LANCL2: variants seen among roughly 807,000 people sequenced by gnomAD.
LANCL2 encodes lanC-like protein 2.
In LANCL2, 33 loss-of-function variants were observed where a neutral mutation model predicts 56.9. That is an observed-to-expected ratio of 0.58 (90% CI 0.44 to 0.78). LANCL2 has a LOEUF of 0.78. Among genes scored for constraint, LANCL2 ranks in the 30% least tolerant of loss-of-function variants. LANCL2 has a pLI of 0.00. For synonymous variants in LANCL2, 233 were observed against 228.2 expected (o/e 1.02, Z -0.19); for missense variants, 562 against 580.2 (o/e 0.97, Z 0.32).
chr7:55,368,835 G>A (rs1435790520), intron 1 of LANCL2, among the ~76,000 whole-genome samples: 1 of 152,184 alleles, frequency 6.6e-6, no homozygotes, highest in Non-Finnish European at 1.5e-5. Context: ...AATCCAATAT[G>A]ACTGGTGTTC....
chr7:55,407,509 C>T (rs982218580), intron 5 of LANCL2, among the ~76,000 whole-genome samples: 1 of 152,220 alleles, frequency 6.6e-6, no homozygotes, highest in African/African-American at 2.4e-5. Context: ...AGCCCTGGTG[C>T]CCAGACATGT....
At chr7:55,411,358 TCAGTTCG>T (rs1790468421) in intron 5 of LANCL2, 1 of 152,286 alleles carries the variant, frequency 6.6e-6, no homozygotes. Context: ...ATGAGTGCTT[TCAGTTCG>T]TAAAAGGCAG....
chr7:55,431,192 C>A, intron 8 of LANCL2, 34 bp from the exon 9 acceptor site: 1 of 1,493,004 alleles, frequency 6.7e-7, no homozygotes, highest in Non-Finnish European at 9.3e-7. Flanking sequence ...TACCCTTATG[C>A]CATTCCTAAG....
chr7:55,416,698 T>C (rs561574126), intron 6 of LANCL2, among the ~76,000 whole-genome samples: 62 of 152,302 alleles, frequency 4.1e-4, no homozygotes, highest in African/African-American at 1.5e-3. Context: ...ATATATATCG[T>C]ACAAATAATT....
intron 1 of LANCL2, among the ~76,000 whole-genome samples, chr7:55,370,377 C>T (rs952022519): frequency 6.6e-6 from 1 of 152,194 alleles, no homozygotes; most frequent in South Asian, 2.1e-4. Flanking sequence ...AGAAGCAAGA[C>T]AGTAAATCCA....
chr7:55,371,369 A>C (rs1007207080), intron 1 of LANCL2, among the ~76,000 whole-genome samples: 10 of 152,148 alleles, frequency 6.6e-5, no homozygotes, highest in African/African-American at 2.4e-4. Flanking sequence ...GACCACAGAC[A>C]GGTACCACCA....
At chr7:55,383,746 A>G (rs1790094106) in intron 1 of LANCL2, among the ~76,000 whole-genome samples, 1 of 152,222 alleles carries the variant, frequency 6.6e-6, no homozygotes, top group Admixed American at 6.5e-5. Flanking sequence ...CTGAGGCAGG[A>G]GAATCGCTTG....
chr7:55,366,500 C>T lies in LANCL2; in HGVS notation c.204+271C>T, dbSNP rs139768620. ...AGTGCGCTTTCCTTCTTGGCCCGAG[C>T]GGCGCTTCGCAATGCGGGCTTGTGC... is the stretch of plus-strand genomic sequence containing the variant. On this transcript the variant is annotated intron_variant, in intron 1 of 8. Coordinates refer to ENST00000254770, the MANE Select transcript of LANCL2 (RefSeq NM_018697.4). Among the ~76,000 whole-genome samples the T allele has an allele frequency of 9.8e-5, 15 of 152,338 alleles. No individual in the cohort carries two copies. In the East Asian group the frequency reaches 2.9e-3, roughly 30 times the overall value.
In LANCL2 at chr7:55,428,482, T is replaced by C. The variant is rs186991789; in HGVS notation, c.1258+35T>C. On this transcript the variant is annotated intron_variant, in intron 8 of 8. Coordinates refer to ENST00000254770, the MANE Select transcript of LANCL2 (RefSeq NM_018697.4). ...AGAAAAATGCTATAGATTAAATGTT[T>C]GGGTGAAATTGGTTCTCCTGCCCTT... 4.2e-3 allele frequency: 6,603 copies of C among 1,571,178 alleles called. 25 individuals carry two copies. Among genetic ancestry groups the C allele is most frequent in the Middle Eastern group, 0.019 (111 of 5,980 alleles).
chr7:55,408,482 A>G (rs1790435623), intron 5 of LANCL2, among the ~76,000 whole-genome samples: 1 of 152,190 alleles, frequency 6.6e-6, no homozygotes, highest in Non-Finnish European at 1.5e-5. Flanking sequence ...CCTGGCCAAC[A>G]CAGTGAAACC....
At chr7:55,424,179 T>C (rs1790637800) in intron 6 of LANCL2, among the ~76,000 whole-genome samples, 1 of 152,156 alleles carries the variant, frequency 6.6e-6, no homozygotes, top group South Asian at 2.1e-4. Context: ...GAACAGACTC[T>C]GAGAAAAGGA....
At chr7:55,406,288 A>C (rs1200213261) in intron 5 of LANCL2, among the ~76,000 whole-genome samples, 1 of 152,300 alleles carries the variant, frequency 6.6e-6, no homozygotes, top group Non-Finnish European at 1.5e-5. Context: ...CAGAGGAACA[A>C]AACCCCTCCC....
chr7:55,386,435 C>T (rs768839738), intron 1 of LANCL2, among the ~76,000 whole-genome samples: 1 of 152,196 alleles, frequency 6.6e-6, no homozygotes, highest in Non-Finnish European at 1.5e-5. Context: ...CCCTGACTTC[C>T]CGCAACATGA....
chr7:55,385,329 A>G (rs1790113106), intron 1 of LANCL2, among the ~76,000 whole-genome samples: 1 of 152,212 alleles, frequency 6.6e-6, no homozygotes. Flanking sequence ...GAAAGAAGGA[A>G]AAGATGTTGC....
At chr7:55,373,327 G>A (rs1562855891) in intron 1 of LANCL2, among the ~76,000 whole-genome samples, 1 of 151,190 alleles carries the variant, frequency 6.6e-6, no homozygotes, top group Non-Finnish European at 1.5e-5. Flanking sequence ...GTCTCATTCT[G>A]TTTCCCAGAC....
In LANCL2 at chr7:55,368,111, T is replaced by TG. The variant is rs1291172271; in HGVS notation, c.204+1883dup. Among the ~76,000 whole-genome samples the TG allele has an allele frequency of 2.6e-5, 4 of 152,340 alleles. No individual in the cohort carries two copies. In the East Asian group the frequency reaches 7.7e-4, roughly 29 times the overall value. Reference sequence around the variant, plus strand: ...AATGCTTAGTGAAAGATGAATGAAATGAACTCTTGACATGAGAATAACAAA... The same window carrying TG: ...AATGCTTAGTGAAAGATGAATGAAATGGAACTCTTGACATGAGAATAACAAA... On this transcript the variant is annotated intron_variant, in intron 1 of 8. Coordinates refer to ENST00000254770, the MANE Select transcript of LANCL2 (RefSeq NM_018697.4).
rs1461759230 is a variant in LANCL2 at position 55,366,118 on chromosome 7, C to T, written c.93C>T (p.Tyr31=). ...ERAFVNPFPD[Y]EAAAGALLAS... is the part of the protein sequence containing the mutation. ...CGTTCGTCAACCCCTTCCCGGACTACGAGGCCGCCGCCGGGGCGCTGCTCG... is the reference window on the plus strand; with the variant it reads ...CGTTCGTCAACCCCTTCCCGGACTATGAGGCCGCCGCCGGGGCGCTGCTCG... The change falls in exon 1 of 9, where the codon TAC becomes TAT. Residue 31 remains tyrosine, a synonymous_variant. Coordinates refer to ENST00000254770, the MANE Select transcript of LANCL2 (RefSeq NM_018697.4). 8.4e-6 allele frequency: 13 copies of T among 1,546,002 alleles called. No homozygotes were observed. The highest frequency in any genetic ancestry group is 1.1e-5 in the Non-Finnish European group (13 of 1,142,954).
intron 5 of LANCL2, among the ~76,000 whole-genome samples, chr7:55,408,640 G>A (rs1790437365): frequency 6.6e-6 from 1 of 151,684 alleles, no homozygotes; most frequent in African/African-American, 2.4e-5. Flanking sequence ...CTGCACTCCA[G>A]CCTGGGTAAC....
chr7:55,388,503 G>A (rs1181964440), intron 1 of LANCL2, among the ~76,000 whole-genome samples: 1 of 152,194 alleles, frequency 6.6e-6, no homozygotes, highest in Non-Finnish European at 1.5e-5. Context: ...CCAAGATGGT[G>A]CCACTGCATT....
Sources: allele counts gnomAD v4.1 joint callset (sites outside exome capture counted in the v4.1 genomes callset), GRCh38; gene constraint gnomAD v4.1.1; transcripts MANE v1.5; gene names NCBI Gene and HGNC (gene_info 2026-07-23, HGNC 2026-07-21).